CSMD1: variants seen among roughly 807,000 people sequenced by gnomAD.
CSMD1 encodes CUB and sushi domain-containing protein 1.
CSMD1 carries 213 observed loss-of-function variants against 417.5 expected under a neutral mutation model. The observed-to-expected ratio is 0.51, with a 90% CI of 0.46 to 0.57. The LOEUF (loss-of-function observed/expected upper bound fraction) is 0.57. CSMD1 is among the 20% of genes least tolerant of loss of function. The probability of loss-of-function intolerance (pLI) is 0.00; values close to 1 mark genes in which losing one functional copy is unlikely to be tolerated. For synonymous variants in CSMD1, 2,862 were observed against 1,736.8 expected (o/e 1.65, Z -16.11); for missense variants, 6,923 against 4,529.7 (o/e 1.53, Z -15.17).
In CSMD1 at chr8:4,079,559, T is replaced by C. The variant is rs188855872; in HGVS notation, c.416-47460A>G. On this transcript the variant is annotated intron_variant, in intron 3 of 69. Transcript: ENST00000635120. ...CCAAAACACTGAAGATATTTATTGATGTACTTCACTTTAAAGTAAAAACAC... is the reference window on the plus strand; with the variant it reads ...CCAAAACACTGAAGATATTTATTGACGTACTTCACTTTAAAGTAAAAACAC... 2.4e-3 allele frequency among the ~76,000 whole-genome samples: 363 copies of C among 152,360 alleles called. 3 individuals are homozygous for C. The highest frequency in any genetic ancestry group is 8.2e-3 in the African/African-American group (343 of 41,588).
chr8:3,833,375 C>T (rs940521838), intron 5 of CSMD1, among the ~76,000 whole-genome samples: 24 of 152,218 alleles, frequency 1.6e-4, no homozygotes, highest in African/African-American at 4.8e-4. Flanking sequence ...TCCTCACCTC[C>T]TAAAATAATT....
intron 1 of CSMD1, among the ~76,000 whole-genome samples, chr8:4,661,385 C>T (rs891421836): frequency 6.6e-6 from 1 of 152,142 alleles, no homozygotes; most frequent in Non-Finnish European, 1.5e-5. Flanking sequence ...CAAAGCCAAT[C>T]CTCAAACGTT....
intron 1 of CSMD1, among the ~76,000 whole-genome samples, chr8:4,752,474 G>C (rs776840127): frequency 6.6e-6 from 1 of 152,176 alleles, no homozygotes; most frequent in Non-Finnish European, 1.5e-5. Context: ...ATGAAGGAGA[G>C]ATCTTTGCTA....
chr8:4,984,685 A>T lies in CSMD1; in HGVS notation c.85+9647T>A, dbSNP rs190473853. Among the ~76,000 whole-genome samples the T allele has an allele frequency of 2.6e-5, 4 of 152,322 alleles. No individual in the cohort carries two copies. The East Asian group carries it at 7.7e-4, about 29-fold the overall frequency. ...ACTTGCCAGATAGATGGAGAGAACA[A>T]ACCACTTGACTGGGCACAAAGCACA... On this transcript the variant is annotated intron_variant, in intron 1 of 69. Transcript: ENST00000635120.
intron 12 of CSMD1, among the ~76,000 whole-genome samples, chr8:3,431,832 T>A (rs577782508): frequency 6.6e-6 from 1 of 152,218 alleles, no homozygotes; most frequent in Admixed American, 6.5e-5. Context: ...TTCCATACAA[T>A]TGTCATTTCC....
chr8:3,963,955 G>A (rs183357307), intron 5 of CSMD1, among the ~76,000 whole-genome samples: 13 of 152,294 alleles, frequency 8.5e-5, no homozygotes, highest in African/African-American at 2.2e-4. Context: ...GAAAAAGTTC[G>A]TTGGATTTAA....
At chr8:3,366,098 TA>T (rs1809550246) in intron 20 of CSMD1, among the ~76,000 whole-genome samples, 2 of 152,194 alleles carry the variant, frequency 1.3e-5, no homozygotes, top group Non-Finnish European at 2.9e-5. Context: ...GGGACCACCT[TA>T]TGAAAATTAC....
chr8:4,840,151 G>T (rs370837910), intron 1 of CSMD1, among the ~76,000 whole-genome samples: 3 of 5,796 alleles, frequency 5.2e-4, no homozygotes, highest in African/African-American at 6.8e-4. Flanking sequence ...CTTTAAGGCT[G>T]TTATGCACAT....
chr8:4,601,362 C>G (rs1343894062), intron 2 of CSMD1, among the ~76,000 whole-genome samples: 17 of 152,176 alleles, frequency 1.1e-4, no homozygotes, highest in Non-Finnish European at 2.5e-4. Flanking sequence ...CAGGGCCTCT[C>G]TGAAGTGTCT....
chr8:3,952,138 A>G (rs79725232), intron 5 of CSMD1, among the ~76,000 whole-genome samples: 3,349 of 152,236 alleles, frequency 0.022, 42 homozygotes, highest in Middle Eastern at 0.041. Context: ...GTGGTTCACA[A>G]AGTATGGTCG....
intron 40 of CSMD1, among the ~76,000 whole-genome samples, chr8:3,144,276 G>C (rs1432249638): frequency 6.9e-6 from 1 of 144,418 alleles, no homozygotes; most frequent in African/African-American, 2.4e-5. Context: ...TTCTGGTTTG[G>C]TATGCCAATA....
At chr8:3,315,710 C>A (rs1271292841) in intron 23 of CSMD1, among the ~76,000 whole-genome samples, 1 of 152,050 alleles carries the variant, frequency 6.6e-6, no homozygotes, top group Non-Finnish European at 1.5e-5. Flanking sequence ...AACTTCTGAA[C>A]TTAAGGTAAA....
intron 3 of CSMD1, among the ~76,000 whole-genome samples, chr8:4,115,350 T>C (rs920524787): frequency 6.6e-6 from 1 of 152,202 alleles, no homozygotes. Context: ...ATAATACTGT[T>C]GCATAAAGGT....
chr8:3,682,535 G>C (rs979078313), intron 7 of CSMD1, among the ~76,000 whole-genome samples: 5 of 152,114 alleles, frequency 3.3e-5, no homozygotes, highest in African/African-American at 1.2e-4. Context: ...TAAAAAGTCA[G>C]GAAACAACAG....
intron 2 of CSMD1, among the ~76,000 whole-genome samples, chr8:4,515,622 C>G (rs747974511): frequency 3.1e-4 from 47 of 152,230 alleles, no homozygotes; most frequent in South Asian, 6.2e-4. Flanking sequence ...TCAATAGCAA[C>G]AACAGAAACA....
intron 3 of CSMD1, among the ~76,000 whole-genome samples, chr8:4,247,876 A>C (rs1307298284): frequency 6.6e-6 from 1 of 152,194 alleles, no homozygotes; most frequent in Non-Finnish European, 1.5e-5. Context: ...TACAATGTAC[A>C]AATTTTTCTT....
intron 2 of CSMD1, among the ~76,000 whole-genome samples, chr8:4,436,186 G>A (rs1585071367): frequency 6.6e-6 from 1 of 152,250 alleles, no homozygotes; most frequent in African/African-American, 2.4e-5. Context: ...TCATCTTACA[G>A]ACACTGGCTT....
chr8:3,284,463 G>T (rs1314270227), intron 25 of CSMD1, 117 bp from the exon 26 acceptor site: 3 of 701,320 alleles, frequency 4.3e-6, no homozygotes, highest in East Asian at 2.7e-5. Flanking sequence ...CATGTGCCTC[G>T]GTACTTACTG....
At chr8:4,462,235 A>T (rs564496433) in intron 2 of CSMD1, among the ~76,000 whole-genome samples, 6 of 152,322 alleles carry the variant, frequency 3.9e-5, no homozygotes, top group Non-Finnish European at 5.9e-5. Flanking sequence ...TTAAAAAGAA[A>T]ACAATCCCTT....
Sources: allele counts gnomAD v4.1 joint callset (sites outside exome capture counted in the v4.1 genomes callset), GRCh38; gene constraint gnomAD v4.1.1; transcripts MANE v1.5; gene names NCBI Gene and HGNC (gene_info 2026-07-23, HGNC 2026-07-21).